The following GLB1 variants were observed in gnomAD, a reference collection of about 807,000 sequenced individuals.
GLB1 encodes the protein galactosidase beta 1.
A neutral mutation model predicts 74.0 loss-of-function variants in GLB1; 56 were observed. The observed-to-expected ratio is 0.76, with a 90% CI of 0.61 to 0.94. The LOEUF is 0.94. GLB1 is among the 40% of genes least tolerant of loss of function. GLB1 has a pLI of 0.00. For synonymous variants in GLB1, 323 were observed against 323.6 expected (o/e 1.00, Z 0.02); for missense variants, 787 against 845.5 (o/e 0.93, Z 0.86).
At chr3:33,061,869 T>C (rs2125538288) in intron 5 of GLB1, among the ~76,000 whole-genome samples, 1 of 152,056 alleles carries the variant, frequency 6.6e-6, no homozygotes, top group East Asian at 1.9e-4. Flanking sequence ...GCTCAGCTAA[T>C]CCCCCCAAAA....
In GLB1 at chr3:33,068,805, T is replaced by C. The variant is rs763315053; in HGVS notation, c.396+15A>G. 1 of 1,613,466 alleles carries C rather than the reference T, an allele frequency of 6.2e-7. No homozygotes were observed. The highest frequency in any genetic ancestry group is 1.3e-5 in the African/African-American group (1 of 75,002). ...CTCACACACACCAGGTAGAGCCCAG[T>C]CTAGCCACACTCACCATTTCCCACT... is the stretch of plus-strand genomic sequence containing the variant. On this transcript the variant is annotated intron_variant, in intron 3 of 15. Transcript: ENST00000307363.
chr3:33,018,636 T>A, intron 12 of GLB1, 75 bp from the exon 13 acceptor site: 1 of 1,460,938 alleles, frequency 6.8e-7, no homozygotes, highest in Non-Finnish European at 9.5e-7. Flanking sequence ...CCTAGACATG[T>A]ATGAAAGCGA....
chr3:33,074,818 G>A (rs1700049802), intron 1 of GLB1, among the ~76,000 whole-genome samples: 1 of 152,180 alleles, frequency 6.6e-6, no homozygotes, highest in Admixed American at 6.5e-5. Context: ...GGTGGCTTTG[G>A]GGGTTGCCCT....
chr3:33,072,337 T>A (rs1699916888), intron 2 of GLB1, among the ~76,000 whole-genome samples: 1 of 152,242 alleles, frequency 6.6e-6, no homozygotes, highest in Non-Finnish European at 1.5e-5. Flanking sequence ...TTTAATGATT[T>A]CTGATGATTA....
intron 14 of GLB1, among the ~76,000 whole-genome samples, chr3:33,015,656 A>G (rs1042382112): frequency 3.3e-5 from 5 of 152,228 alleles, no homozygotes; most frequent in African/African-American, 7.2e-5. Context: ...CCATGGGTCA[A>G]TGTGGCCTGT....
rs767732995 is a variant in GLB1, at chr3:33,051,715, A to C, written c.955+43T>G. On this transcript the variant is annotated intron_variant, in intron 9 of 15. Transcript: ENST00000307363. ...ACCCCTCCTCAAATTAATCAACAGA[A>C]ACATTCTAGCATAAGTTTCTACAGA... The C allele has an allele frequency of 1.9e-5, 30 of 1,613,946 alleles. No homozygotes were observed. The South Asian group carries it at 3.0e-4, about 16-fold the overall frequency.
At chr3:32,973,306 G>GTA in the GLB1 span, among the ~76,000 whole-genome samples, 2 of 151,842 alleles carry the variant, frequency 1.3e-5, no homozygotes, top group African/African-American at 4.8e-5. Flanking sequence ...GTGTGTGTGT[G>GTA]TATATATATA....
At chr3:33,025,071 G>A (rs762069965) in intron 10 of GLB1, among the ~76,000 whole-genome samples, 1 of 151,746 alleles carries the variant, frequency 6.6e-6, no homozygotes, top group African/African-American at 2.4e-5. Flanking sequence ...TCAGCCTCCC[G>A]AGTAGCTGGG....
chr3:33,093,462 C>T lies in GLB1; in HGVS notation c.75+3549G>A, dbSNP rs971031568. 7 of 1,614,010 alleles carry T rather than the reference C, an allele frequency of 4.3e-6. No homozygotes were observed. Among genetic ancestry groups the T allele is most frequent in the Non-Finnish European group, 5.9e-6 (7 of 1,180,056 alleles). On this transcript the variant is annotated intron_variant, in intron 1 of 15. Coordinates refer to ENST00000307363, the MANE Select transcript of GLB1 (RefSeq NM_000404.4). The surrounding 1 kb of genome is among the most constrained non-coding windows in gnomAD (Gnocchi z 6.0). ...CGAGGCTTCTGAGTCGGAGAGGTCA[C>T]CCACAATCACCGTGATGTCTGGTTC...
intron 6 of GLB1, among the ~76,000 whole-genome samples, chr3:33,054,121 T>C (rs1008008064): frequency 1.3e-5 from 2 of 152,160 alleles, no homozygotes; most frequent in Admixed American, 6.5e-5. Context: ...GGCACCATTT[T>C]TGAAGCAGAG....
the GLB1 span, among the ~76,000 whole-genome samples, chr3:32,962,154 A>T: frequency 6.6e-6 from 1 of 151,252 alleles, no homozygotes; most frequent in African/African-American, 2.4e-5. Context: ...AGGTCACGTC[A>T]TTGCACTTCA....
chr3:33,091,499 G>T, intron 1 of GLB1: 1 of 985,494 alleles, frequency 1.0e-6, no homozygotes, highest in Non-Finnish European at 1.2e-6. Context: ...CTGGGCACCT[G>T]TGCCCAACAG....
intron 5 of GLB1, among the ~76,000 whole-genome samples, chr3:33,064,326 G>C (rs774625219): frequency 6.6e-5 from 10 of 151,462 alleles, no homozygotes; most frequent in Non-Finnish European, 8.8e-5. Context: ...TGTAATGCCA[G>C]CTACTTGGGA....
chr3:33,081,647 C>T (rs1287168737), intron 1 of GLB1, among the ~76,000 whole-genome samples: 7 of 152,194 alleles, frequency 4.6e-5, no homozygotes, highest in African/African-American at 1.7e-4. Flanking sequence ...GCCCTAGTGT[C>T]GCTGGGGATG....
At chr3:33,090,416 T>C in intron 1 of GLB1, 3 of 985,334 alleles carry the variant, frequency 3.0e-6, no homozygotes, top group Non-Finnish European at 3.6e-6. Flanking sequence ...AAAGCATGGA[T>C]GGGTATTTGG....
chr3:33,070,529 T>C (rs1283806332), intron 2 of GLB1, among the ~76,000 whole-genome samples: 2 of 152,182 alleles, frequency 1.3e-5, no homozygotes, highest in East Asian at 1.9e-4. Flanking sequence ...TCCAGAGTTA[T>C]ATCAGCACTA....
At chr3:33,072,847 G>C in intron 1 of GLB1, 134 bp from the exon 2 acceptor site, 1 of 1,419,448 alleles carries the variant, frequency 7.0e-7, no homozygotes, top group African/African-American at 1.4e-5. Flanking sequence ...CTTGTTTTCT[G>C]AGCTATCATA....
At chr3:32,969,988 T>A in the GLB1 span, among the ~76,000 whole-genome samples, 1 of 152,314 alleles carries the variant, frequency 6.6e-6, no homozygotes, top group South Asian at 2.1e-4. Context: ...TCAGTACATG[T>A]TGGTGTTCAT....
At chr3:33,067,352 G>A (rs1325684215) in intron 4 of GLB1, among the ~76,000 whole-genome samples, 2 of 151,964 alleles carry the variant, frequency 1.3e-5, no homozygotes, top group African/African-American at 4.8e-5. Context: ...AGGATGGAGT[G>A]CAGTGGTACA....
Sources: allele counts gnomAD v4.1 joint callset (sites outside exome capture counted in the v4.1 genomes callset), GRCh38; gene constraint gnomAD v4.1.1; non-coding constraint Gnocchi (gnomAD v3.1); transcripts MANE v1.5; gene names NCBI Gene and HGNC (gene_info 2026-07-23, HGNC 2026-07-21).